PTPRD: variants seen among roughly 807,000 people sequenced by gnomAD.
PTPRD encodes the protein protein tyrosine phosphatase receptor type D, also known as receptor-type tyrosine-protein phosphatase delta.
A neutral mutation model predicts 214.5 loss-of-function variants in PTPRD; 34 were observed. The ratio of observed to expected loss-of-function variants is 0.16; its 90% CI spans 0.12 to 0.21. The LOEUF is 0.21. Among genes scored for constraint, PTPRD ranks in the 10% least tolerant of loss-of-function variants. The pLI, the probability that PTPRD is intolerant of heterozygous loss-of-function variation, is 1.00. For missense variants in PTPRD, 2,545 were observed against 2,398.7 expected (o/e 1.06, Z -1.27); for synonymous variants, 1,128 against 845.7 (o/e 1.33, Z -5.79).
intron 3 of PTPRD, among the ~76,000 whole-genome samples, chr9:10,272,024 G>A (rs1356941181): frequency 1.3e-5 from 2 of 151,866 alleles, no homozygotes; most frequent in Admixed American, 6.6e-5. Context: ...TATTCACAGA[G>A]TTTTGAAATT....
At chr9:9,741,402 A>T (rs1422994856) in intron 6 of PTPRD, among the ~76,000 whole-genome samples, 1 of 152,006 alleles carries the variant, frequency 6.6e-6, no homozygotes, top group Non-Finnish European at 1.5e-5. Flanking sequence ...TATTTTTATG[A>T]ACTTTACAAG....
rs534720610 is a variant in PTPRD, at chr9:8,668,224, G to A, written c.65-31380C>T. ...TACCTAAAGAGGTACTAGGTCTGAAGAAAGCCACATGCTCATTTATTCTTT... is the reference window on the plus strand; with the variant it reads ...TACCTAAAGAGGTACTAGGTCTGAAAAAAGCCACATGCTCATTTATTCTTT... On this transcript the variant is annotated intron_variant, in intron 12 of 45. Coordinates refer to ENST00000381196, the MANE Select transcript of PTPRD (RefSeq NM_002839.4). 1.8e-3 allele frequency among the ~76,000 whole-genome samples: 281 copies of A among 152,262 alleles called. 3 individuals carry two copies. The highest frequency in any genetic ancestry group is 6.4e-3 in the African/African-American group (265 of 41,552).
chr9:8,792,087 G>A (rs1444638279), intron 11 of PTPRD, among the ~76,000 whole-genome samples: 1 of 152,164 alleles, frequency 6.6e-6, no homozygotes, highest in Non-Finnish European at 1.5e-5. Context: ...TTCGTTTTTA[G>A]ACAACGTCAA....
At chr9:8,691,647 C>G (rs948786835) in intron 12 of PTPRD, among the ~76,000 whole-genome samples, 3 of 152,062 alleles carry the variant, frequency 2.0e-5, no homozygotes, top group African/African-American at 7.2e-5. Context: ...CTGAATTATC[C>G]TTTGAGGTTG....
At chr9:8,707,609 G>A (rs1302668652) in intron 12 of PTPRD, among the ~76,000 whole-genome samples, 2 of 152,188 alleles carry the variant, frequency 1.3e-5, no homozygotes, top group Non-Finnish European at 2.9e-5. Context: ...AGTAGTCTAA[G>A]TTCTAGTTTT....
At chr9:10,464,900 T>C (rs2098983313) in intron 2 of PTPRD, among the ~76,000 whole-genome samples, 1 of 152,194 alleles carries the variant, frequency 6.6e-6, no homozygotes, top group South Asian at 2.1e-4. Context: ...ATTTTAGAAA[T>C]AGTCATATAG....
At chr9:8,630,397 A>G (rs1024198215) in intron 14 of PTPRD, among the ~76,000 whole-genome samples, 2 of 151,890 alleles carry the variant, frequency 1.3e-5, no homozygotes, top group Non-Finnish European at 2.9e-5. Flanking sequence ...CTGGAATATT[A>G]TTAAACACTA....
intron 11 of PTPRD, among the ~76,000 whole-genome samples, chr9:8,751,153 T>G (rs1314289698): frequency 6.6e-6 from 1 of 152,196 alleles, no homozygotes; most frequent in Non-Finnish European, 1.5e-5. Context: ...CCTTCTCTGT[T>G]CCTACACAGC....
In PTPRD at chr9:10,193,424, G is replaced by C. The variant is rs545960758; in HGVS notation, c.-545+147539C>G. 9.2e-5 allele frequency among the ~76,000 whole-genome samples: 14 copies of C among 152,182 alleles called. 1 individual carries two copies. The highest frequency in any genetic ancestry group is 3.4e-4 in the African/African-American group (14 of 41,544). On this transcript the variant is annotated intron_variant, in intron 3 of 45. Coordinates refer to ENST00000381196, the MANE Select transcript of PTPRD (RefSeq NM_002839.4). ...GGATCTAGTAAAGAAGTACAGACTT[G>C]CAGATTACCCATGAGAGGTCGAGAG...
At chr9:9,602,941 T>G (rs908609614) in intron 7 of PTPRD, among the ~76,000 whole-genome samples, 2 of 152,116 alleles carry the variant, frequency 1.3e-5, no homozygotes, top group Non-Finnish European at 2.9e-5. Context: ...GATAAAATTA[T>G]TTTTTTAAGA....
chr9:8,658,773 C>T (rs548794345), intron 12 of PTPRD, among the ~76,000 whole-genome samples: 6 of 151,730 alleles, frequency 4.0e-5, no homozygotes, highest in East Asian at 1.9e-4. Context: ...AAGGATGAGG[C>T]GGTATCTATT....
At chr9:8,491,756 G>A (rs777332686) in intron 27 of PTPRD, among the ~76,000 whole-genome samples, 5 of 151,868 alleles carry the variant, frequency 3.3e-5, no homozygotes, top group Admixed American at 1.3e-4. Context: ...GGCAGGATGC[G>A]AGCGAGGCAA....
At chr9:10,430,737 C>A (rs922142183) in intron 2 of PTPRD, among the ~76,000 whole-genome samples, 1 of 151,628 alleles carries the variant, frequency 6.6e-6, no homozygotes, top group African/African-American at 2.4e-5. Context: ...TTAGTGTTGG[C>A]AAAAGGTCAA....
At chr9:8,672,555 T>A (rs2097307450) in intron 12 of PTPRD, among the ~76,000 whole-genome samples, 1 of 152,136 alleles carries the variant, frequency 6.6e-6, no homozygotes, top group East Asian at 1.9e-4. Flanking sequence ...TTATAATTAC[T>A]CATTAATTTG....
At chr9:10,586,666 A>G (rs1038249783) in intron 2 of PTPRD, among the ~76,000 whole-genome samples, 2 of 152,272 alleles carry the variant, frequency 1.3e-5, no homozygotes, top group South Asian at 4.1e-4. Flanking sequence ...TGAAGCAATG[A>G]CTAAAGTGCC....
chr9:9,418,997 A>G lies in PTPRD; in HGVS notation c.-236-21515T>C, dbSNP rs1358843729. Among the ~76,000 whole-genome samples the G allele has an allele frequency of 2.6e-5, 4 of 151,832 alleles. No individual in the cohort carries two copies. The South Asian group carries it at 8.3e-4, about 31-fold the overall frequency. ...CTTTCTAGATAAGCAATAAATGATC[A>G]TCAGGGCTTAATTTTGCAGAATATT... On this transcript the variant is annotated intron_variant, in intron 8 of 45. Transcript: ENST00000381196.
chr9:8,487,490 G>T (rs1241445763), intron 27 of PTPRD, among the ~76,000 whole-genome samples: 2 of 152,154 alleles, frequency 1.3e-5, no homozygotes, highest in Admixed American at 1.3e-4. Context: ...AGCACTTTGG[G>T]AGCTGAGGTG....
chr9:10,611,516 C>T (rs1452103793), intron 2 of PTPRD, among the ~76,000 whole-genome samples: 1 of 152,044 alleles, frequency 6.6e-6, no homozygotes, highest in African/African-American at 2.4e-5. Flanking sequence ...GTATAATGAA[C>T]TTATTAACCC....
At chr9:10,292,246 G>GT (rs1453550845) in intron 3 of PTPRD, among the ~76,000 whole-genome samples, 1 of 151,966 alleles carries the variant, frequency 6.6e-6, no homozygotes, top group Non-Finnish European at 1.5e-5. Context: ...CCTATAATCT[G>GT]TCAGCACATC....
Sources: gnomAD v4.1 joint callset for allele counts (sites outside exome capture counted in the v4.1 genomes callset) on GRCh38, gnomAD v4.1.1 for gene constraint, MANE v1.5 for transcripts, NCBI Gene and HGNC (gene_info 2026-07-23, HGNC 2026-07-21) for gene names.